The following KCNH1 variants were observed in gnomAD, a reference collection of about 807,000 sequenced individuals.
KCNH1 encodes voltage-gated delayed rectifier potassium channel KCNH1.
In KCNH1, 27 loss-of-function variants were observed where a neutral mutation model predicts 69.2. That is an observed-to-expected ratio of 0.39 (90% CI 0.29 to 0.54). The LOEUF (loss-of-function observed/expected upper bound fraction) is 0.54. Among genes scored for constraint, KCNH1 ranks in the 20% least tolerant of loss-of-function variants. KCNH1 has a pLI of 0.68. For synonymous variants in KCNH1, 456 were observed against 487.7 expected (o/e 0.93, Z 0.86); for missense variants, 798 against 1,261.6 (o/e 0.63, Z 5.57).
chr1:210,907,529 G>GA (rs36116141), intron 7 of KCNH1, among the ~76,000 whole-genome samples: 2,135 of 143,540 alleles, frequency 0.015, 42 homozygotes, highest in African/African-American at 0.05. Flanking sequence ...GGACTGGGAA[G>GA]AAAAAAAAAA....
intron 7 of KCNH1, among the ~76,000 whole-genome samples, chr1:210,874,898 G>C (rs1271226405): frequency 6.6e-6 from 1 of 152,066 alleles, no homozygotes; most frequent in Non-Finnish European, 1.5e-5. Flanking sequence ...CAAATACACA[G>C]ACTGAAGGCA....
intron 1 of KCNH1, among the ~76,000 whole-genome samples, chr1:211,122,935 C>CT (rs143066987): frequency 0.12 from 17,163 of 148,630 alleles, 1,216 homozygotes; most frequent in South Asian, 0.18. Context: ...CATATGTATC[C>CT]TTTTTTTTTT....
chr1:210,999,322 T>C (rs1007916153), intron 6 of KCNH1, among the ~76,000 whole-genome samples: 23 of 151,974 alleles, frequency 1.5e-4, no homozygotes, highest in Non-Finnish European at 3.1e-4. Flanking sequence ...TAAAAAATGA[T>C]AAAGGGGATA....
At chr1:210,901,724 G>C (rs1423853324) in intron 7 of KCNH1, among the ~76,000 whole-genome samples, 1 of 152,196 alleles carries the variant, frequency 6.6e-6, no homozygotes, top group Non-Finnish European at 1.5e-5. Flanking sequence ...AGTTAAGAAA[G>C]TTAGGAGGAA....
chr1:210,773,752 A>G lies in KCNH1; in HGVS notation c.2112+1596T>C, dbSNP rs551329326. Reference sequence around the variant, plus strand: ...CCCATAATACCTTGTTCAAATCACAATCACTGTACTTAGCACTTCTACGCA... The same window carrying G: ...CCCATAATACCTTGTTCAAATCACAGTCACTGTACTTAGCACTTCTACGCA... On this transcript the variant is annotated intron_variant, in intron 10 of 10. Transcript: ENST00000271751. Among the ~76,000 whole-genome samples the G allele has an allele frequency of 1.8e-4, 27 of 152,262 alleles. 1 individual carries two copies. The South Asian group carries it at 5.0e-3, about 28-fold the overall frequency.
At chr1:211,082,717 A>T in intron 5 of KCNH1, 63 bp downstream of exon 5, 1 of 1,307,442 alleles carries the variant, frequency 7.6e-7, no homozygotes. Context: ...GTTTTGTGCC[A>T]TTGCCTCAGC....
intron 5 of KCNH1, among the ~76,000 whole-genome samples, chr1:211,079,232 T>A (rs1176176931): frequency 6.6e-6 from 1 of 152,128 alleles, no homozygotes; most frequent in Non-Finnish European, 1.5e-5. Context: ...ATGGATAAAT[T>A]CCTGGACACA....
At chr1:211,029,804 C>A (rs1689749861) in intron 5 of KCNH1, among the ~76,000 whole-genome samples, 1 of 152,118 alleles carries the variant, frequency 6.6e-6, no homozygotes, top group African/African-American at 2.4e-5. Context: ...AAAGAATTCA[C>A]ATAAAAACTT....
chr1:211,047,679 G>T (rs1244930937), intron 5 of KCNH1, among the ~76,000 whole-genome samples: 5 of 152,220 alleles, frequency 3.3e-5, no homozygotes, highest in Admixed American at 2.6e-4. Flanking sequence ...AAGTGAGTGT[G>T]TGTGTGTGTA....
At chr1:211,088,638 GA>G (rs1690998066) in intron 4 of KCNH1, among the ~76,000 whole-genome samples, 1 of 152,182 alleles carries the variant, frequency 6.6e-6, no homozygotes, top group South Asian at 2.1e-4. Flanking sequence ...TGTCTTTCAG[GA>G]GACATTAAGC....
chr1:210,894,319 T>G (rs1436156970), intron 7 of KCNH1, among the ~76,000 whole-genome samples: 1 of 152,332 alleles, frequency 6.6e-6, no homozygotes, highest in Non-Finnish European at 1.5e-5. Context: ...TATTTCCCAC[T>G]GCCAAGGAAA....
intron 6 of KCNH1, among the ~76,000 whole-genome samples, chr1:211,000,292 G>C (rs910157552): frequency 6.6e-6 from 1 of 152,164 alleles, no homozygotes; most frequent in Non-Finnish European, 1.5e-5. Context: ...ATCTCCTTAA[G>C]CTGATAAGCA....
chr1:210,984,506 G>T (rs1688788286), intron 6 of KCNH1, among the ~76,000 whole-genome samples: 1 of 152,142 alleles, frequency 6.6e-6, no homozygotes, highest in African/African-American at 2.4e-5. Flanking sequence ...TTTGTCAAAG[G>T]TCTTTTCTGC....
At chr1:210,806,830 AAAAAAAAT>A (rs1684583351) in intron 7 of KCNH1, among the ~76,000 whole-genome samples, 2 of 56,016 alleles carry the variant, frequency 3.6e-5, no homozygotes, top group Non-Finnish European at 7.7e-5. Flanking sequence ...AAAAAAAAAA[AAAAAAAAT>A]ATATATATAT....
At chr1:210,909,192 C>T (rs1403880789) in intron 7 of KCNH1, among the ~76,000 whole-genome samples, 2 of 152,232 alleles carry the variant, frequency 1.3e-5, no homozygotes, top group African/African-American at 2.4e-5. Context: ...TCTGCAGTAT[C>T]CTCATTGGAA....
chr1:210,901,411 A>G (rs927544786), intron 7 of KCNH1, among the ~76,000 whole-genome samples: 4 of 152,104 alleles, frequency 2.6e-5, no homozygotes, highest in Admixed American at 6.6e-5. Flanking sequence ...TCTGCCTCCA[A>G]GTGACTCTCC....
intron 10 of KCNH1, among the ~76,000 whole-genome samples, chr1:210,704,824 C>CT (rs1202583831): frequency 6.6e-6 from 1 of 152,222 alleles, no homozygotes; most frequent in African/African-American, 2.4e-5. Context: ...CTGGCTCACT[C>CT]TTTCACACAC....
intron 7 of KCNH1, among the ~76,000 whole-genome samples, chr1:210,834,516 A>ACAC (rs1685239806): frequency 8.9e-6 from 1 of 111,742 alleles, no homozygotes; most frequent in Admixed American, 1.2e-4. Flanking sequence ...GGGGAACATC[A>ACAC]AACTCTGGGG....
chr1:211,019,242 G>A lies in KCNH1; in HGVS notation c.573C>T (p.Gly191=), dbSNP rs1414767834. ...GCTTGTACTGGGGAAGGATGTCTGA[G>A]CCCAGCTGTAGGACCTGTACAGAAA... ...HSRLAEVLQL[G]SDILPQYKQE... is the part of the protein sequence containing the mutation. The change falls in exon 6 of 11, where the codon GGC becomes GGT. Residue 191 remains glycine, a synonymous_variant. Transcript: ENST00000271751. The A allele has an allele frequency of 6.2e-7, 1 of 1,606,168 alleles. No individual in the cohort carries two copies. The highest frequency in any genetic ancestry group is 2.2e-5 in the East Asian group (1 of 44,840).
Sources: allele counts gnomAD v4.1 joint callset (sites outside exome capture counted in the v4.1 genomes callset), GRCh38; gene constraint gnomAD v4.1.1; transcripts MANE v1.5; gene names NCBI Gene and HGNC (gene_info 2026-07-23, HGNC 2026-07-21).